The following DPP10 variants were observed in gnomAD, a reference collection of about 807,000 sequenced individuals.
The protein encoded by DPP10 is dipeptidyl peptidase like 10, also known as inactive dipeptidyl peptidase 10.
A neutral mutation model predicts 120.9 loss-of-function variants in DPP10; 33 were observed. That is an observed-to-expected ratio of 0.27 (90% confidence interval 0.21 to 0.37). The LOEUF (loss-of-function observed/expected upper bound fraction) is 0.37. Ranked by LOEUF, DPP10 falls within the 10% of genes least tolerant of loss-of-function variation. DPP10 has a pLI of 1.00. For synonymous variants in DPP10, 337 were observed against 326.1 expected (o/e 1.03, Z -0.36); for missense variants, 816 against 942.8 (o/e 0.87, Z 1.76).
chr2:115,187,328 G>A (rs376866903), intron 1 of DPP10, among the ~76,000 whole-genome samples: 2 of 152,092 alleles, frequency 1.3e-5, no homozygotes, highest in Middle Eastern at 3.4e-3. Context: ...GAGCCACCGC[G>A]CCCGGCCGGT....
At chr2:115,476,688 C>A (rs1189860430) in intron 3 of DPP10, among the ~76,000 whole-genome samples, 1 of 152,122 alleles carries the variant, frequency 6.6e-6, no homozygotes, top group African/African-American at 2.4e-5. Flanking sequence ...GCTCCACTTC[C>A]AACATTGGGG....
At chr2:115,003,208 C>G (rs1245592420) in intron 1 of DPP10, among the ~76,000 whole-genome samples, 1 of 150,480 alleles carries the variant, frequency 6.6e-6, no homozygotes. Context: ...AAATCATGTC[C>G]TTTGCAGTGA....
rs143274573 is a variant in DPP10, at chr2:115,228,467, A to G, written c.61-80772A>G. 5.5e-3 allele frequency among the ~76,000 whole-genome samples: 831 copies of G among 152,128 alleles called. 8 individuals carry two copies. The highest frequency in any genetic ancestry group is 0.017 in the African/African-American group (718 of 41,496). ...TAGATCTTATTCACCCTATCTAACT[A>G]TATTTTTGTACCCACTAACAAAACC... On this transcript the variant is annotated intron_variant, in intron 1 of 25. Transcript: ENST00000410059.
At chr2:115,624,235 C>T (rs1365849710) in intron 5 of DPP10, among the ~76,000 whole-genome samples, 1 of 151,922 alleles carries the variant, frequency 6.6e-6, no homozygotes, top group Non-Finnish European at 1.5e-5. Context: ...GTTAAATTGA[C>T]TTCTATAAAT....
chr2:115,696,837 AT>A (rs56811773), intron 7 of DPP10, among the ~76,000 whole-genome samples: 125,303 of 152,086 alleles, frequency 0.82, 52,429 homozygotes, highest in East Asian at 0.99. Context: ...TGTATTTCAC[AT>A]TTTTTTTAGA....
chr2:115,029,223 T>C (rs1325964468), intron 1 of DPP10, among the ~76,000 whole-genome samples: 1 of 152,054 alleles, frequency 6.6e-6, no homozygotes, highest in Non-Finnish European at 1.5e-5. Context: ...TTTAAATCTG[T>C]TTTAAATTTG....
chr2:114,802,997 T>A (rs1383200983), intron 1 of DPP10, among the ~76,000 whole-genome samples: 2 of 152,228 alleles, frequency 1.3e-5, no homozygotes, highest in East Asian at 3.9e-4. Context: ...GATGGCTGTG[T>A]CCCCACCCAA....
At chr2:115,311,419 TG>T (rs1365514995) in intron 2 of DPP10, among the ~76,000 whole-genome samples, 16 of 152,216 alleles carry the variant, frequency 1.1e-4, no homozygotes, top group African/African-American at 3.9e-4. Context: ...ATATAAAGAA[TG>T]TTCCCCAGAA....
chr2:115,191,616 C>T (rs1347577016), intron 1 of DPP10, among the ~76,000 whole-genome samples: 1 of 152,188 alleles, frequency 6.6e-6, no homozygotes, highest in East Asian at 1.9e-4. Flanking sequence ...GGGTTTTCCC[C>T]TAGGACTATG....
At chr2:114,850,382 G>A (rs1688862373) in intron 1 of DPP10, among the ~76,000 whole-genome samples, 1 of 152,076 alleles carries the variant, frequency 6.6e-6, no homozygotes, top group South Asian at 2.1e-4. Flanking sequence ...GATAAACTGA[G>A]AGGTTATTAA....
At chr2:115,265,560 A>G (rs1384117572) in intron 1 of DPP10, among the ~76,000 whole-genome samples, 1 of 152,070 alleles carries the variant, frequency 6.6e-6, no homozygotes, top group Non-Finnish European at 1.5e-5. Context: ...TAACCTTACT[A>G]CAGGTATACA....
At chr2:115,649,330 G>A (rs2087548836) in intron 5 of DPP10, among the ~76,000 whole-genome samples, 2 of 152,030 alleles carry the variant, frequency 1.3e-5, no homozygotes, top group Non-Finnish European at 2.9e-5. Flanking sequence ...AACAATCAAA[G>A]TAAGACAAGA....
chr2:115,022,340 G>A (rs1048469779), intron 1 of DPP10, among the ~76,000 whole-genome samples: 8 of 151,570 alleles, frequency 5.3e-5, no homozygotes, highest in African/African-American at 9.7e-5. Context: ...TAATGTACGC[G>A]AATCAGTAGC....
At chr2:114,531,954 C>T (rs1241888206) in intron 1 of DPP10, among the ~76,000 whole-genome samples, 1 of 151,882 alleles carries the variant, frequency 6.6e-6, no homozygotes, top group Non-Finnish European at 1.5e-5. Flanking sequence ...TTGCCCTCCC[C>T]ATTGTGGGTA....
intron 1 of DPP10, among the ~76,000 whole-genome samples, chr2:114,999,740 A>C (rs561863785): frequency 2.7e-4 from 41 of 151,210 alleles, no homozygotes; most frequent in Admixed American, 3.9e-4. Flanking sequence ...CTTAAACTCC[A>C]AGTTTGCTCC....
At chr2:115,256,214 A>T (rs565212903) in intron 1 of DPP10, among the ~76,000 whole-genome samples, 2 of 152,284 alleles carry the variant, frequency 1.3e-5, no homozygotes, top group South Asian at 4.1e-4. Flanking sequence ...CAGCAAGGAG[A>T]AGTGCCAAGC....
chr2:115,191,505 G>A (rs138294331), intron 1 of DPP10, among the ~76,000 whole-genome samples: 142 of 152,372 alleles, frequency 9.3e-4, no homozygotes, highest in Non-Finnish European at 1.7e-3. Context: ...AATTGACGTG[G>A]TTACGTTAAT....
At chr2:115,791,697 C>A (rs1317830762) in intron 19 of DPP10, among the ~76,000 whole-genome samples, 1 of 152,154 alleles carries the variant, frequency 6.6e-6, no homozygotes, top group East Asian at 1.9e-4. Flanking sequence ...AATTCCACTG[C>A]TAAAACAATG....
At chr2:114,452,863 G>A (rs1369889449) in intron 1 of DPP10, among the ~76,000 whole-genome samples, 1 of 152,072 alleles carries the variant, frequency 6.6e-6, no homozygotes, top group Non-Finnish European at 1.5e-5. Context: ...TGATTACATG[G>A]TTTCTTCAGT....
Sources: allele counts gnomAD v4.1 joint callset (sites outside exome capture counted in the v4.1 genomes callset), GRCh38; gene constraint gnomAD v4.1.1; transcripts MANE v1.5; gene names NCBI Gene and HGNC (gene_info 2026-07-23, HGNC 2026-07-21).